The following TULP1 variants were observed in gnomAD, a reference collection of about 807,000 sequenced individuals.
TULP1 encodes the protein tubby-related protein 1.
A neutral mutation model predicts 67.1 loss-of-function variants in TULP1; 50 were observed. That is an observed-to-expected ratio of 0.75 (90% confidence interval 0.59 to 0.94). The LOEUF (loss-of-function observed/expected upper bound fraction) is 0.94, where lower values mean the gene tolerates loss of function less well. Ranked by LOEUF, TULP1 falls within the 40% of genes least tolerant of loss-of-function variation. The pLI, the probability that TULP1 is intolerant of heterozygous loss-of-function variation, is 0.00. For synonymous variants in TULP1, 297 were observed against 294.0 expected (o/e 1.01, Z -0.11); for missense variants, 746 against 734.1 (o/e 1.02, Z -0.19).
At position 35,500,027 on chromosome 6, in the gene TULP1, G is replaced by A. The variant is rs1403918069; in HGVS notation, c.1449C>T (p.Val483=). 7.4e-6 allele frequency: 12 copies of A among 1,614,156 alleles called. No individual in the cohort carries two copies. Among genetic ancestry groups the A allele is most frequent in the Non-Finnish European group, 1.0e-5 (12 of 1,180,028 alleles). ...GSYTLNFQGR[V]TQASVKNFQI... Reference sequence around the variant, plus strand: ...GGAAGTTCTTGACTGAGGCCTGGGTGACCCGGCCTTGGAAGTTGAGGGTGT... The same window carrying A: ...GGAAGTTCTTGACTGAGGCCTGGGTAACCCGGCCTTGGAAGTTGAGGGTGT... The change falls in exon 14 of 15, where the codon GTC becomes GTT. Residue 483 remains valine, a synonymous_variant. Transcript: ENST00000229771.
At chr6:35,506,334 G>A (rs1761088200) in intron 8 of TULP1, 55 bp from the exon 9 acceptor site, 1 of 1,548,782 alleles carries the variant, frequency 6.5e-7, no homozygotes. Context: ...ATCCCTGGAG[G>A]CGGGGAAGCC....
rs1428303918 is a variant in TULP1, at chr6:35,498,576, A to T, written c.1496-116T>A. 2.3e-5 allele frequency: 34 copies of T among 1,484,458 alleles called. No homozygotes were observed. Among genetic ancestry groups the T allele is most frequent in the Non-Finnish European group, 3.1e-5 (34 of 1,093,110 alleles). 92.0% of individuals were successfully genotyped at this position (1,484,458 alleles called of 1,614,324 possible). ...CCCTTGCCTTGGGGCTCCAACCCTC[A>T]GCCACCATCTCAGTTACTCAACACC... On this transcript the variant is annotated intron_variant, in intron 14 of 14. Coordinates refer to ENST00000229771, the MANE Select transcript of TULP1 (RefSeq NM_003322.6). This position sits in a 1 kb window ranked among gnomAD's most constrained non-coding sequence, Gnocchi z 6.7.
rs894076057 is a variant in TULP1 at position 35,511,213 on chromosome 6, G to C, written c.350-203C>G. On this transcript the variant is annotated intron_variant, in intron 4 of 14. Transcript: ENST00000229771. ...TCAGGGTCTGCAAATCAGGGGAGTG[G>C]CTGGGGTTGGAGGAATCCTGTCCTG... Among the ~76,000 whole-genome samples, 8 of 152,198 alleles carry C rather than the reference G, an allele frequency of 5.3e-5. No homozygotes were observed. In the East Asian group the frequency reaches 1.6e-3, roughly 30 times the overall value.
chr6:35,503,953 G>T lies in TULP1; in HGVS notation c.1113-105C>A. 1.2e-6 allele frequency: 1 copy of T among 860,820 alleles called. No individual in the cohort carries two copies. The allele number at this position is 860,820 out of a possible 1,614,324, so 53.3% of individuals were successfully genotyped here. A position where few individuals can be genotyped will look rare whatever the true frequency, so the allele number is the denominator to read the frequency against. Reference sequence around the variant, plus strand: ...GTTTAGAGAGCTTCCTACAAGGGTGGGGGTGAGTTAGGACTGAGCAATTCA... The same window carrying T: ...GTTTAGAGAGCTTCCTACAAGGGTGTGGGTGAGTTAGGACTGAGCAATTCA... On this transcript the variant is annotated intron_variant, in intron 11 of 14. Coordinates refer to ENST00000229771, the MANE Select transcript of TULP1 (RefSeq NM_003322.6). This position sits in a 1 kb window ranked among gnomAD's most constrained non-coding sequence, Gnocchi z 4.0.
At chr6:35,502,131 T>C (rs1760978895) in intron 13 of TULP1, among the ~76,000 whole-genome samples, 1 of 152,190 alleles carries the variant, frequency 6.6e-6, no homozygotes. Context: ...TACACACTTA[T>C]TATCTACCTT....
intron 11 of TULP1, among the ~76,000 whole-genome samples, chr6:35,504,809 G>A (rs1167827638): frequency 4.0e-5 from 6 of 151,398 alleles, no homozygotes; most frequent in Non-Finnish European, 5.9e-5. Flanking sequence ...CTTGTGATCC[G>A]CCCGCCTCAG....
At chr6:35,499,311 G>T (rs148046457) in intron 14 of TULP1, among the ~76,000 whole-genome samples, 1 of 152,172 alleles carries the variant, frequency 6.6e-6, no homozygotes, top group South Asian at 2.1e-4. Flanking sequence ...CCCCTAAAAG[G>T]CAACCATCTT....
chr6:35,503,738 T>C lies in TULP1; in HGVS notation c.1223A>G (p.Tyr408Cys). Reference sequence around the variant, plus strand: ...ATGGGGGACAGGTGGAGTCCTCACATAGATCACAGCTGCCAGCTCCTGCCG... The same window carrying C: ...ATGGGGGACAGGTGGAGTCCTCACACAGATCACAGCTGCCAGCTCCTGCCG... ...SLRQELAAVI[Y>C]ETNVLGFRGP... The change falls in exon 12 of 15, where the codon TAT (tyrosine) becomes TGT (cysteine). Residue 408 changes from tyrosine to cysteine, a missense_variant and splice_region_variant. Around this residue, in one of 3 missense-constraint regions of TULP1, gnomAD observed 383 missense variants for 374.1 expected, o/e 1.02. Coordinates refer to ENST00000229771, the MANE Select transcript of TULP1 (RefSeq NM_003322.6). The surrounding 1 kb of genome is among the most constrained non-coding windows in gnomAD (Gnocchi z 4.0). The C allele has an allele frequency of 6.2e-7, 1 of 1,612,488 alleles. No individual in the cohort carries two copies. The highest frequency in any genetic ancestry group is 8.5e-7 in the Non-Finnish European group (1 of 1,179,286).
At chr6:35,510,229 T>C (rs372746669) in intron 5 of TULP1, among the ~76,000 whole-genome samples, 71 of 152,232 alleles carry the variant, frequency 4.7e-4, no homozygotes, top group African/African-American at 1.7e-3. Context: ...AATTTTTGTA[T>C]TGACTTCTGC....
At chr6:35,506,385 T>G (rs919327565) in intron 8 of TULP1, 106 bp from the exon 9 acceptor site, 14 of 1,408,396 alleles carry the variant, frequency 9.9e-6, no homozygotes, top group African/African-American at 1.4e-5. Context: ...ACGGCCAAGT[T>G]AGGAGGCTCT....
At chr6:35,502,762 G>T (rs1243411521) in intron 13 of TULP1, among the ~76,000 whole-genome samples, 1 of 152,018 alleles carries the variant, frequency 6.6e-6, no homozygotes, top group African/African-American at 2.4e-5. Flanking sequence ...TCCTCCCAAA[G>T]TGCTGGGGAT....
intron 5 of TULP1, 85 bp downstream of exon 5, chr6:35,510,776 G>A (rs1761180366): frequency 1.2e-6 from 2 of 1,605,138 alleles, no homozygotes; most frequent in South Asian, 1.1e-5. Context: ...GGCCTCAATC[G>A]CTGTGTCTCA....
In TULP1 at chr6:35,498,228, A is replaced by T; in HGVS notation, c.*99T>A. 6.5e-7 allele frequency: 1 copy of T among 1,528,768 alleles called. No homozygotes were observed. The highest frequency in any genetic ancestry group is 1.9e-5 in the Admixed American group (1 of 52,438). 94.7% of individuals were successfully genotyped at this position (1,528,768 alleles called of 1,614,324 possible). A position where few individuals can be genotyped will look rare whatever the true frequency, so the allele number is the denominator to read the frequency against. On this transcript the variant is annotated 3_prime_UTR_variant, in exon 15 of 15. Transcript: ENST00000229771. This position sits in a 1 kb window ranked among gnomAD's most constrained non-coding sequence, Gnocchi z 6.7. ...GAGAGGTCAGCCCCGACACAGGAGC[A>T]GTTTTCCGCGGGAGCTTTGCTGGAG... is the stretch of plus-strand genomic sequence containing the variant.
intron 11 of TULP1, 27 bp downstream of exon 11, chr6:35,505,714 C>T (rs1008344630): frequency 6.2e-7 from 1 of 1,613,264 alleles, no homozygotes; most frequent in Non-Finnish European, 8.5e-7. Context: ...ACCCAAGTCC[C>T]CCCAGCCCCA....
chr6:35,505,719 G>C (rs1393392224), intron 11 of TULP1, 22 bp downstream of exon 11: 1 of 1,613,512 alleles, frequency 6.2e-7, no homozygotes, highest in Non-Finnish European at 8.5e-7. Flanking sequence ...AGTCCCCCCA[G>C]CCCCAGGAAG....
chr6:35,510,547 A>G (rs575421153), intron 5 of TULP1, among the ~76,000 whole-genome samples: 1 of 152,360 alleles, frequency 6.6e-6, no homozygotes, highest in East Asian at 1.9e-4. Flanking sequence ...TGATACTTTT[A>G]TAAAAATGAT....
In TULP1 at chr6:35,506,086, G is replaced by C. The variant is rs944741344; in HGVS notation, c.916C>G (p.Arg306Gly). 2 of 1,613,556 alleles carry C rather than the reference G, an allele frequency of 1.2e-6. No homozygotes were observed. The highest frequency in any genetic ancestry group is 1.1e-5 in the South Asian group (1 of 91,076). ...TTTTTGTCCCGGGTCAGCCGGCAGCGCACCGTGCGGCCCTGGGGGGCAGGC... is the reference window on the plus strand; with the variant it reads ...TTTTTGTCCCGGGTCAGCCGGCAGCCCACCGTGCGGCCCTGGGGGGCAGGC... The part of the protein sequence containing the change: ...LRPAPQGRTV[R>G]CRLTRDKKGM... The change falls in exon 10 of 15, where the codon CGC becomes GGC. Residue 306 changes from arginine (R) to glycine (G), a missense_variant. Physicochemically the swap from Arg to Gly is moderately radical, Grantham distance 125. Around this residue, in one of 3 missense-constraint regions of TULP1, gnomAD observed 383 missense variants for 374.1 expected, o/e 1.02. Coordinates refer to ENST00000229771, the MANE Select transcript of TULP1 (RefSeq NM_003322.6).
Position 35,509,943 on chromosome 6 carries a change from T to TGGGG in TULP1, c.500-19_500-16dup. 1 of 1,613,086 alleles carries TGGGG rather than the reference T, an allele frequency of 6.2e-7. No individual in the cohort carries two copies. The highest frequency in any genetic ancestry group is 8.5e-7 in the Non-Finnish European group (1 of 1,179,544). ...TCCCAGGTCTCCTGGAAATGGAAGATGGGGGTCAGGCAAAGAAGGTGTCTA... is the reference window on the plus strand; with the variant it reads ...TCCCAGGTCTCCTGGAAATGGAAGATGGGGGGGGGTCAGGCAAAGAAGGTGTCTA... On this transcript the variant is annotated splice_polypyrimidine_tract_variant and intron_variant, in intron 5 of 14. Transcript: ENST00000229771.
Position 35,498,376 on chromosome 6 carries a change from G to T in TULP1, c.1580C>A (p.Ala527Asp). Residue 527 changes from alanine to aspartate, a missense_variant, in exon 15 of 15, where the codon GCC (alanine) becomes GAC (aspartate). By Grantham distance (126) the Ala-to-Asp change is moderately radical. Coordinates refer to ENST00000229771, the MANE Select transcript of TULP1 (RefSeq NM_003322.6). The surrounding 1 kb of genome is among the most constrained non-coding windows in gnomAD (Gnocchi z 6.7). ...GAAACTGGAGAGGGCGATGGCGAAG[G>T]CCTGCAGGGCGCACAGCGGGTACCG... ...DYRYPLCALQ[A>D]FAIALSSFDG... 6.2e-7 allele frequency: 1 copy of T among 1,613,716 alleles called. No individual in the cohort carries two copies.
Sources: allele counts gnomAD v4.1 joint callset (sites outside exome capture counted in the v4.1 genomes callset), GRCh38; gene constraint gnomAD v4.1.1; regional missense constraint gnomAD v4.1.1; non-coding constraint Gnocchi (gnomAD v3.1); transcripts MANE v1.5; gene names NCBI Gene and HGNC (gene_info 2026-07-23, HGNC 2026-07-21).